LYPD6B: variants seen among roughly 807,000 people sequenced by gnomAD.
LYPD6B encodes the protein LY6/PLAUR domain containing 6B.
In LYPD6B, 17 loss-of-function variants were observed where a neutral mutation model predicts 22.8. The observed-to-expected ratio is 0.75, with a 90% confidence interval of 0.51 to 1.12. The LOEUF (loss-of-function observed/expected upper bound fraction) is 1.12, where lower values mean the gene tolerates loss of function less well. Among genes scored for constraint, LYPD6B ranks in the 50% most tolerant of loss-of-function variants. The pLI, the probability that LYPD6B is intolerant of heterozygous loss-of-function variation, is 0.00. For missense variants in LYPD6B, 221 were observed against 258.3 expected (o/e 0.86, Z 0.99); for synonymous variants, 106 against 91.6 (o/e 1.16, Z -0.90).
At chr2:149,190,471 C>A (rs1477711731) in intron 3 of LYPD6B, among the ~76,000 whole-genome samples, 1 of 152,114 alleles carries the variant, frequency 6.6e-6, no homozygotes, top group Non-Finnish European at 1.5e-5. Context: ...GTAAGTACAT[C>A]TAAAATTTTA....
At chr2:149,166,541 T>A (rs565941617) in intron 3 of LYPD6B, among the ~76,000 whole-genome samples, 1 of 151,830 alleles carries the variant, frequency 6.6e-6, no homozygotes, top group Admixed American at 6.6e-5. Flanking sequence ...AGCTATGGAG[T>A]GGGGGAGAGA....
At chr2:149,115,941 C>T (rs1381122302) in intron 1 of LYPD6B, among the ~76,000 whole-genome samples, 3 of 152,228 alleles carry the variant, frequency 2.0e-5, no homozygotes, top group Admixed American at 1.3e-4. Flanking sequence ...AGCTTTTGTA[C>T]ATGCTTTATA....
chr2:149,044,490 T>A (rs920131638), intron 1 of LYPD6B, among the ~76,000 whole-genome samples: 1 of 152,052 alleles, frequency 6.6e-6, no homozygotes, highest in Non-Finnish European at 1.5e-5. Context: ...CTTTGTAGAT[T>A]CTTTGGAATT....
intron 1 of LYPD6B, among the ~76,000 whole-genome samples, chr2:149,080,574 G>A (rs1685076580): frequency 2.0e-5 from 3 of 152,028 alleles, no homozygotes; most frequent in African/African-American, 7.2e-5. Context: ...GGGGGTGGTG[G>A]CTCACGCCTG....
rs140426151 is a variant in LYPD6B at position 149,168,513 on chromosome 2, G to T, written c.77+7678G>T. ...TAGAATGGAGATGAAAACCTCTTCT[G>T]TGTCTAAATACGACAAGCCCATGCC... On this transcript the variant is annotated intron_variant, in intron 3 of 6. Transcript: ENST00000409642. Among the ~76,000 whole-genome samples the T allele has an allele frequency of 2.1e-3, 322 of 152,254 alleles. 2 individuals carry two copies. The highest frequency in any genetic ancestry group is 0.01 in the Middle Eastern group (3 of 294).
At chr2:149,134,966 C>T (rs1314031597) in intron 2 of LYPD6B, among the ~76,000 whole-genome samples, 4 of 152,222 alleles carry the variant, frequency 2.6e-5, no homozygotes, top group South Asian at 2.1e-4. Flanking sequence ...TTTGTAGGGC[C>T]GGGCACAGTG....
chr2:149,060,448 A>G (rs1479172257), intron 1 of LYPD6B, among the ~76,000 whole-genome samples: 1 of 152,270 alleles, frequency 6.6e-6, no homozygotes, highest in East Asian at 1.9e-4. Flanking sequence ...GACATATCAT[A>G]TTTTCTATGA....
chr2:149,185,313 GAC>G (rs976594572), intron 3 of LYPD6B, among the ~76,000 whole-genome samples: 32 of 152,310 alleles, frequency 2.1e-4, no homozygotes, highest in African/African-American at 7.5e-4. Context: ...GCCATCTGCT[GAC>G]ACACCACCCA....
intron 3 of LYPD6B, among the ~76,000 whole-genome samples, chr2:149,195,041 C>G (rs558949292): frequency 6.6e-6 from 1 of 152,218 alleles, no homozygotes; most frequent in South Asian, 2.1e-4. Flanking sequence ...AAGATTGTTA[C>G]AAAACTTAAA....
chr2:149,130,298 A>G (rs1687945897), intron 1 of LYPD6B, among the ~76,000 whole-genome samples: 1 of 152,126 alleles, frequency 6.6e-6, no homozygotes, highest in East Asian at 1.9e-4. Flanking sequence ...AGCTCTTTAA[A>G]TGCCTTTTGA....
intron 1 of LYPD6B, among the ~76,000 whole-genome samples, chr2:149,091,687 A>G (rs1465182775): frequency 6.6e-6 from 1 of 151,948 alleles, no homozygotes; most frequent in Non-Finnish European, 1.5e-5. Context: ...TCCAGTTTAT[A>G]TTCTTCTTGT....
chr2:149,187,549 C>T lies in LYPD6B; in HGVS notation c.78-17704C>T, dbSNP rs907323976. ...TCCCTGCGAGCAGGATCTCAGGCAA[C>T]GTCAATGAACAACATGAAGCCTGAC... On this transcript the variant is annotated intron_variant, in intron 3 of 6. Transcript: ENST00000409642. 46 of 1,449,070 alleles carry T rather than the reference C, an allele frequency of 3.2e-5. No homozygotes were observed. In the Middle Eastern group the frequency reaches 5.4e-4, roughly 17 times the overall value. The allele number at this position is 1,449,070 out of a possible 1,614,324, so 89.8% of individuals were successfully genotyped here.
intron 3 of LYPD6B, among the ~76,000 whole-genome samples, chr2:149,182,135 T>G (rs1327647718): frequency 6.6e-6 from 1 of 152,234 alleles, no homozygotes. Flanking sequence ...TTTCATCTAA[T>G]TTAAGCACCT....
chr2:149,125,355 CTCTT>C (rs1319934045), intron 1 of LYPD6B, among the ~76,000 whole-genome samples: 1 of 152,226 alleles, frequency 6.6e-6, no homozygotes, highest in Non-Finnish European at 1.5e-5. Context: ...TGCCAAAACA[CTCTT>C]TCCTCTTCCT....
intron 1 of LYPD6B, among the ~76,000 whole-genome samples, chr2:149,083,507 T>A (rs1685236214): frequency 6.6e-6 from 1 of 152,198 alleles, no homozygotes; most frequent in Non-Finnish European, 1.5e-5. Flanking sequence ...TACACCTTCT[T>A]TTTGAACTTT....
At chr2:149,041,025 C>G (rs965213867) in intron 1 of LYPD6B, among the ~76,000 whole-genome samples, 1 of 151,806 alleles carries the variant, frequency 6.6e-6, no homozygotes, top group Admixed American at 6.6e-5. Context: ...AGTGAAGACT[C>G]CCCAAAGAAA....
At chr2:149,162,465 T>C (rs1447476498) in intron 3 of LYPD6B, among the ~76,000 whole-genome samples, 1 of 152,136 alleles carries the variant, frequency 6.6e-6, no homozygotes, top group Non-Finnish European at 1.5e-5. Flanking sequence ...CCAACCCATG[T>C]GGAGTATTTA....
intron 1 of LYPD6B, among the ~76,000 whole-genome samples, chr2:149,098,306 T>G (rs1326311016): frequency 1.3e-5 from 2 of 152,136 alleles, no homozygotes; most frequent in Non-Finnish European, 2.9e-5. Flanking sequence ...GTGAGTTATA[T>G]AGGATATGAC....
chr2:149,205,328 C>A lies in LYPD6B; in HGVS notation c.153C>A (p.Val51=), dbSNP rs779801300. 24 of 1,613,898 alleles carry A rather than the reference C, an allele frequency of 1.5e-5. No homozygotes were observed. In the East Asian group the frequency reaches 4.9e-4, roughly 33 times the overall value. Residue 51 remains valine, a synonymous_variant, in exon 4 of 7, where the codon GTC becomes GTA. Transcript: ENST00000409642. ...LLCHALAIAV[V]QIVIFSESWA... Reference sequence around the variant, plus strand: ...GTCACGCTCTCGCTATAGCTGTTGTCCAGATCGTTATCTTCTCAGAAAGCT... The same window carrying A: ...GTCACGCTCTCGCTATAGCTGTTGTACAGATCGTTATCTTCTCAGAAAGCT...
Sources: allele counts gnomAD v4.1 joint callset (sites outside exome capture counted in the v4.1 genomes callset), GRCh38; gene constraint gnomAD v4.1.1; transcripts MANE v1.5; gene names NCBI Gene and HGNC (gene_info 2026-07-23, HGNC 2026-07-21).